Variants in TACC2 observed in about 807,000 individuals in gnomAD.
The protein encoded by TACC2 is transforming acidic coiled-coil-containing protein 2.
TACC2 carries 137 observed loss-of-function variants against 227.3 expected under a neutral mutation model. The observed-to-expected ratio is 0.60, with a 90% CI of 0.52 to 0.69. The LOEUF (loss-of-function observed/expected upper bound fraction) is 0.69, where lower values mean the gene tolerates loss of function less well. Among genes scored for constraint, TACC2 ranks in the 30% least tolerant of loss-of-function variants. The pLI is 0.00. For missense variants in TACC2, 3,470 were observed against 3,694.4 expected, an observed-to-expected ratio of 0.94 and a Z score of 1.57; for synonymous variants, 1,523 against 1,487.5, an observed-to-expected ratio of 1.02 and a Z score of -0.55.
At chr10:122,109,923 G>C (rs532063314) in intron 5 of TACC2, among the ~76,000 whole-genome samples, 1 of 152,254 alleles carries the variant, frequency 6.6e-6, no homozygotes, top group Non-Finnish European at 1.5e-5. Context: ...AAATTAGTGT[G>C]TTTTCACATT....
At chr10:122,049,589 G>C (rs1278873187) in intron 2 of TACC2, among the ~76,000 whole-genome samples, 1 of 152,138 alleles carries the variant, frequency 6.6e-6, no homozygotes, top group East Asian at 1.9e-4. Flanking sequence ...TGTTTGGGGT[G>C]GGGGCACAGG....
At chr10:122,167,701 A>G (rs1024763135) in intron 7 of TACC2, among the ~76,000 whole-genome samples, 13 of 152,168 alleles carry the variant, frequency 8.5e-5, no homozygotes, top group Admixed American at 8.5e-4. Flanking sequence ...CCTGCCTCGC[A>G]GGGTTTTTCA....
intron 20 of TACC2, 115 bp from the exon 21 acceptor site, chr10:122,248,935 A>G: frequency 6.7e-7 from 1 of 1,494,186 alleles, no homozygotes; most frequent in East Asian, 2.3e-5. Flanking sequence ...CAGGCTGGGG[A>G]GGCAGACTTG....
At chr10:122,068,353 A>G (rs1274596603) in intron 3 of TACC2, among the ~76,000 whole-genome samples, 1 of 152,038 alleles carries the variant, frequency 6.6e-6, no homozygotes, top group African/African-American at 2.4e-5. Flanking sequence ...TATGGGTCAC[A>G]TTTCCCTGCT....
intron 2 of TACC2, among the ~76,000 whole-genome samples, chr10:122,042,302 G>A (rs1248080105): frequency 6.6e-6 from 1 of 151,994 alleles, no homozygotes; most frequent in Non-Finnish European, 1.5e-5. Flanking sequence ...GAGTTCAGTG[G>A]CACAGTCTCA....
At position 122,186,882 on chromosome 10, in the gene TACC2, C is replaced by A. The variant is rs138848883; in HGVS notation, c.5835-8158C>A. 2.0e-3 allele frequency among the ~76,000 whole-genome samples: 304 copies of A among 152,286 alleles called. 2 individuals are homozygous for A. The highest frequency in any genetic ancestry group is 7.3e-3 in the East Asian group (38 of 5,174). Reference sequence around the variant, plus strand: ...AGCTACAAAGAGATTTTGGGGAGATCTGTGTGCGAAGGCAAGGAAACCAAA... The same window carrying A: ...AGCTACAAAGAGATTTTGGGGAGATATGTGTGCGAAGGCAAGGAAACCAAA... On this transcript the variant is annotated intron_variant, in intron 7 of 22. Transcript: ENST00000369005.
intron 5 of TACC2, among the ~76,000 whole-genome samples, chr10:122,116,468 C>G (rs1002178957): frequency 2.0e-5 from 3 of 152,124 alleles, no homozygotes; most frequent in African/African-American, 7.2e-5. Flanking sequence ...GAGTTCTTGC[C>G]CTACCCCTTA....
intron 6 of TACC2, among the ~76,000 whole-genome samples, chr10:122,143,334 C>A (rs2090915752): frequency 6.6e-6 from 1 of 152,154 alleles, no homozygotes; most frequent in Non-Finnish European, 1.5e-5. Context: ...CCCGGTTCTA[C>A]AGAAGCTTAA....
intron 7 of TACC2, among the ~76,000 whole-genome samples, chr10:122,156,349 G>A (rs1876309): frequency 0.65 from 97,908 of 150,832 alleles, 36,586 homozygotes; most frequent in Non-Finnish European, 0.85. Flanking sequence ...TCTGCCTCCC[G>A]AGTAACTGGG....
chr10:122,097,033 A>G (rs1194601710), intron 5 of TACC2, among the ~76,000 whole-genome samples: 1 of 152,006 alleles, frequency 6.6e-6, no homozygotes, highest in Non-Finnish European at 1.5e-5. Context: ...AGGAATAAAA[A>G]CTTGCCTGGT....
At chr10:122,104,594 C>T (rs1248371293) in intron 5 of TACC2, among the ~76,000 whole-genome samples, 2 of 152,172 alleles carry the variant, frequency 1.3e-5, no homozygotes, top group Non-Finnish European at 2.9e-5. Context: ...TGGGCTCGAA[C>T]TCCTGACTCC....
intron 5 of TACC2, among the ~76,000 whole-genome samples, chr10:122,125,710 C>A (rs1380759250): frequency 2.0e-5 from 3 of 150,610 alleles, no homozygotes; most frequent in Non-Finnish European, 4.4e-5. Flanking sequence ...GTAAAGTCAT[C>A]ATTTTCACCT....
chr10:122,158,376 G>A (rs1219246227), intron 7 of TACC2, among the ~76,000 whole-genome samples: 5 of 151,458 alleles, frequency 3.3e-5, no homozygotes, highest in South Asian at 2.1e-4. Flanking sequence ...GCCACAGAGC[G>A]AGAGCGAGAC....
chr10:121,993,249 CAACT>C (rs1224360706), intron 1 of TACC2, among the ~76,000 whole-genome samples: 1 of 152,168 alleles, frequency 6.6e-6, no homozygotes, highest in East Asian at 1.9e-4. Context: ...GAAGACAACT[CAACT>C]AACTTTTAAA....
At chr10:122,250,656 G>A (rs1443521899) in intron 22 of TACC2, among the ~76,000 whole-genome samples, 1 of 152,146 alleles carries the variant, frequency 6.6e-6, no homozygotes, top group Non-Finnish European at 1.5e-5. Flanking sequence ...TAATGTTGGG[G>A]AAGGAGCCCT....
chr10:122,033,205 C>A (rs781429159), intron 2 of TACC2: 10 of 1,194,334 alleles, frequency 8.4e-6, no homozygotes, highest in Non-Finnish European at 1.1e-5. Flanking sequence ...CCCTTCCTAA[C>A]GTCTAGATGG....
chr10:122,084,209 G>C lies in TACC2; in HGVS notation c.1709G>C (p.Arg570Thr), dbSNP rs749966059. Residue 570 changes from arginine (R) to threonine (T), a missense_variant, in exon 4 of 23, where the codon AGA becomes ACA. This residue lies in a region of TACC2 where 1,924 missense variants were observed against 1,978.3 expected (regional missense o/e 0.97). Transcript: ENST00000369005. ...CCAGCCGTGGCTAAAGAAGGAAGCA[G>C]ATCACCTGGTGACAGCCCTGGAGGA... ...TSPAVAKEGS[R>T]SPGDSPGGKE... 6 of 1,614,010 alleles carry C rather than the reference G, an allele frequency of 3.7e-6. No individual in the cohort carries two copies. The highest frequency in any genetic ancestry group is 3.3e-5 in the Admixed American group (2 of 60,012).
chr10:122,081,546 G>T (rs965396688), intron 3 of TACC2, among the ~76,000 whole-genome samples: 3 of 145,480 alleles, frequency 2.1e-5, no homozygotes, highest in African/African-American at 7.5e-5. Context: ...AAAAAAAAAG[G>T]CACAGCATTA....
chr10:122,170,604 G>A (rs1323248635), intron 7 of TACC2, among the ~76,000 whole-genome samples: 1 of 152,116 alleles, frequency 6.6e-6, no homozygotes, highest in Non-Finnish European at 1.5e-5. Context: ...GCCTGACCAT[G>A]ATAATCAAGT....
Sources: gnomAD v4.1 joint callset for allele counts (sites outside exome capture counted in the v4.1 genomes callset) on GRCh38, gnomAD v4.1.1 for gene constraint, gnomAD v4.1.1 regional missense constraint, MANE v1.5 for transcripts, NCBI Gene and HGNC (gene_info 2026-07-23, HGNC 2026-07-21) for gene names.